Variants in ZC3H12B observed in about 807,000 individuals in gnomAD.
ZC3H12B encodes the protein zinc finger CCCH-type containing 12B, also known as probable ribonuclease ZC3H12B.
ZC3H12B carries 7 observed loss-of-function variants against 43.9 expected under a neutral mutation model. That is an observed-to-expected ratio of 0.16 (90% CI 0.09 to 0.30). ZC3H12B has a LOEUF of 0.30. Among genes scored for constraint, ZC3H12B ranks in the 10% least tolerant of loss-of-function variants. The pLI is 1.00. For missense variants in ZC3H12B, 475 were observed against 670.2 expected, an observed-to-expected ratio of 0.71 and a Z score of 3.22; for synonymous variants, 222 against 241.7, an observed-to-expected ratio of 0.92 and a Z score of 0.76.
At chrX:65,187,079 C>T in the ZC3H12B span, 10 of 111,921 alleles carry the variant, frequency 8.9e-5, no homozygotes, top group Non-Finnish European at 1.7e-4. Flanking sequence ...AACGGTCAAT[C>T]TTCTTTTAGT....
the ZC3H12B span, among the ~76,000 whole-genome samples, chrX:65,092,943 A>G: frequency 8.9e-6 from 1 of 111,860 alleles, no homozygotes; most frequent in Admixed American, 9.4e-5. Context: ...CCTTTGTGGC[A>G]GCCCCTTCCT....
the ZC3H12B span, among the ~76,000 whole-genome samples, chrX:65,078,541 G>A: frequency 8.9e-6 from 1 of 111,914 alleles, no homozygotes; most frequent in African/African-American, 3.2e-5. Flanking sequence ...ATGTTGCTGA[G>A]CGATCAAGCT....
chrX:65,212,543 T>C, the ZC3H12B span, among the ~76,000 whole-genome samples: 2 of 76,062 alleles, frequency 2.6e-5, no homozygotes, highest in African/African-American at 1.1e-4. Flanking sequence ...ATAATGTATA[T>C]TTATATATTA....
the ZC3H12B span, among the ~76,000 whole-genome samples, chrX:65,335,868 T>G: frequency 9.1e-4 from 102 of 112,168 alleles, no homozygotes; most frequent in African/African-American, 3.3e-3. Context: ...CACGAAATCA[T>G]TTCAAGGTCA....
intron 3 of ZC3H12B, among the ~76,000 whole-genome samples, chrX:65,445,639 G>A (rs1379985119): frequency 8.9e-6 from 1 of 112,246 alleles, no homozygotes; most frequent in Admixed American, 9.5e-5. Context: ...ATGGTCTGTG[G>A]CAACTATTGT....
intron 3 of ZC3H12B, among the ~76,000 whole-genome samples, chrX:65,456,920 G>A (rs2067625763): frequency 9.4e-6 from 1 of 106,325 alleles, no homozygotes; most frequent in African/African-American, 3.4e-5. Flanking sequence ...GGGATATGAG[G>A]AGCCCCTCTG....
the ZC3H12B span, among the ~76,000 whole-genome samples, chrX:65,187,676 T>G: frequency 5.5e-5 from 6 of 109,252 alleles, no homozygotes; most frequent in Non-Finnish European, 7.6e-5. Context: ...TTTTTACTTT[T>G]TTCTGGTACG....
the ZC3H12B span, among the ~76,000 whole-genome samples, chrX:65,292,521 C>T: frequency 9.0e-6 from 1 of 110,948 alleles, no homozygotes; most frequent in African/African-American, 3.3e-5. Context: ...GGATGCTGGG[C>T]TGAATATCTG....
chrX:65,330,799 G>A, the ZC3H12B span: 3 of 152,222 alleles, frequency 2.0e-5, no homozygotes, highest in Admixed American at 1.5e-4. Context: ...TGCTGGATTC[G>A]GTTTGCCAGT....
chrX:65,200,737 CTTA>C, the ZC3H12B span, among the ~76,000 whole-genome samples: 1 of 110,878 alleles, frequency 9.0e-6, no homozygotes, highest in East Asian at 2.8e-4. Context: ...TGCCTGGCCT[CTTA>C]TTATAGTTTC....
At chrX:65,293,819 T>A in the ZC3H12B span, among the ~76,000 whole-genome samples, 1 of 111,320 alleles carries the variant, frequency 9.0e-6, no homozygotes, top group Non-Finnish European at 1.9e-5. Context: ...ACAAAGAATT[T>A]AAAAAATGAA....
intron 3 of ZC3H12B, among the ~76,000 whole-genome samples, chrX:65,452,163 T>C (rs1441984862): frequency 9.0e-6 from 1 of 111,302 alleles, no homozygotes; most frequent in Non-Finnish European, 1.9e-5. Flanking sequence ...TTCAATATAG[T>C]ACTGGAAGTC....
chrX:65,497,331 G>A, intron 2 of ZC3H12B, 60 bp downstream of exon 7: 1 of 1,054,116 alleles, frequency 9.5e-7, no homozygotes, highest in Admixed American at 2.7e-5. Flanking sequence ...AGATAGTTTG[G>A]GGATGGTCCC....
At chrX:65,184,923 C>T in the ZC3H12B span, 5 of 111,441 alleles carry the variant, frequency 4.5e-5, no homozygotes, top group Non-Finnish European at 9.4e-5. Context: ...GTGATGTTTT[C>T]ATACATATAT....
chrX:65,092,365 G>T, the ZC3H12B span, among the ~76,000 whole-genome samples: 3 of 111,802 alleles, frequency 2.7e-5, no homozygotes, highest in African/African-American at 6.5e-5. Context: ...AGCAATTTTG[G>T]AACCTGGTAA....
chrX:65,244,123 G>T, the ZC3H12B span, among the ~76,000 whole-genome samples: 1 of 111,212 alleles, frequency 9.0e-6, no homozygotes, highest in Admixed American at 9.6e-5. Flanking sequence ...AGAGTGGAAT[G>T]GTACTATCCC....
At chrX:65,425,402 T>C (rs192371260) in intron 3 of ZC3H12B, among the ~76,000 whole-genome samples, 180 of 111,614 alleles carry the variant, frequency 1.6e-3, no homozygotes, top group South Asian at 8.7e-3. Context: ...TAGGGTTATG[T>C]CATCTGCAAA....
At chrX:65,134,974 G>A in the ZC3H12B span, among the ~76,000 whole-genome samples, 8 of 110,977 alleles carry the variant, frequency 7.2e-5, no homozygotes, top group African/African-American at 2.3e-4. Context: ...AGGTAATGTC[G>A]TCAGTTAAGG....
the ZC3H12B span, among the ~76,000 whole-genome samples, chrX:65,314,856 A>G: frequency 3.6e-5 from 4 of 111,049 alleles, no homozygotes; most frequent in East Asian, 2.8e-4. Context: ...CAACTTTAAT[A>G]TAAAAGAGAA....
Sources: allele counts gnomAD v4.1 joint callset (sites outside exome capture counted in the v4.1 genomes callset), GRCh38; gene constraint gnomAD v4.1.1; transcripts MANE v1.5; gene names NCBI Gene and HGNC (gene_info 2026-07-23, HGNC 2026-07-21).